Variants in EPHA5 observed in about 807,000 individuals in gnomAD.
EPHA5 encodes EPH receptor A5.
A neutral mutation model predicts 105.0 loss-of-function variants in EPHA5; 60 were observed. The observed-to-expected ratio is 0.57, with a 90% CI of 0.46 to 0.71. EPHA5 has a LOEUF of 0.71. Ranked by LOEUF, EPHA5 falls within the 30% of genes least tolerant of loss-of-function variation. EPHA5 has a pLI of 0.00. For missense variants in EPHA5, 1,218 were observed against 1,274.7 expected, an observed-to-expected ratio of 0.96 and a Z score of 0.68; for synonymous variants, 513 against 449.1, an observed-to-expected ratio of 1.14 and a Z score of -1.80.
At chr4:65,325,831 G>T (rs1160203195) in intron 16 of EPHA5, among the ~76,000 whole-genome samples, 1 of 150,864 alleles carries the variant, frequency 6.6e-6, no homozygotes, top group African/African-American at 2.4e-5. Context: ...ATAATTCTTT[G>T]TTGTAGAGGT....
At chr4:65,349,346 G>T (rs372082526) in intron 13 of EPHA5, among the ~76,000 whole-genome samples, 4 of 151,614 alleles carry the variant, frequency 2.6e-5, no homozygotes, top group African/African-American at 9.7e-5. Context: ...AATTGATTTG[G>T]AGACTTTCTC....
chr4:65,353,200 T>TAC, intron 11 of EPHA5, 97 bp from the exon 12 acceptor site: 1 of 126,320 alleles, frequency 7.9e-6, no homozygotes, highest in South Asian at 2.6e-4. Flanking sequence ...GTCAAAATTG[T>TAC]ATATATATAT....
At chr4:65,604,095 A>G (rs1177075333) in intron 2 of EPHA5, among the ~76,000 whole-genome samples, 1 of 4,192 alleles carries the variant, frequency 2.4e-4, no homozygotes, top group African/African-American at 4.1e-4. Flanking sequence ...AAACACAAAT[A>G]TGTATATTTT....
chr4:65,512,921 C>T (rs950040441), intron 3 of EPHA5, among the ~76,000 whole-genome samples: 2 of 150,264 alleles, frequency 1.3e-5, no homozygotes, highest in Non-Finnish European at 3.0e-5. Context: ...CTGGCAAAAT[C>T]TGGAAAAAAA....
intron 5 of EPHA5, among the ~76,000 whole-genome samples, chr4:65,481,309 A>G (rs1035101886): frequency 2.0e-5 from 3 of 152,196 alleles, no homozygotes; most frequent in African/African-American, 7.2e-5. Context: ...GAATTCCTGA[A>G]TTACAAAGAT....
intron 1 of EPHA5, among the ~76,000 whole-genome samples, chr4:65,653,203 T>G (rs1748762265): frequency 1.3e-5 from 2 of 152,028 alleles, no homozygotes; most frequent in Admixed American, 6.6e-5. Flanking sequence ...ACTCATAGTC[T>G]CTATTTTAAA....
At chr4:65,405,194 A>G (rs1430688070) in intron 7 of EPHA5, among the ~76,000 whole-genome samples, 1 of 152,202 alleles carries the variant, frequency 6.6e-6, no homozygotes, top group Non-Finnish European at 1.5e-5. Flanking sequence ...CCATTATAAG[A>G]GGAATATGAA....
intron 8 of EPHA5, among the ~76,000 whole-genome samples, chr4:65,368,240 C>T (rs965787085): frequency 6.6e-6 from 1 of 152,078 alleles, no homozygotes; most frequent in Admixed American, 6.6e-5. Context: ...CTCAATCCAT[C>T]TATTTCTATC....
Position 65,322,066 on chromosome 4 carries a change from T to C in EPHA5, c.*2048A>G, listed in dbSNP as rs1436364520. 5.7e-5 allele frequency: 13 copies of C among 226,126 alleles called. No individual in the cohort carries two copies. In the East Asian group the frequency reaches 8.3e-4, roughly 14 times the overall value. The allele number at this position is 226,126 out of a possible 1,614,324, so 14.0% of individuals were successfully genotyped here. On this transcript the variant is annotated 3_prime_UTR_variant, in exon 17 of 17. Coordinates refer to ENST00000613740, the MANE Select transcript of EPHA5 (RefSeq NM_001281766.3). Reference sequence around the variant, plus strand: ...AATAATGGTGATGCTTTTTTATGATTTTATCAAGAAAATATTAAATTCACA... The same window carrying C: ...AATAATGGTGATGCTTTTTTATGATCTTATCAAGAAAATATTAAATTCACA...
intron 3 of EPHA5, among the ~76,000 whole-genome samples, chr4:65,600,391 C>T (rs1406981096): frequency 6.6e-6 from 1 of 151,978 alleles, no homozygotes; most frequent in African/African-American, 2.4e-5. Context: ...CATGGAAAAA[C>T]AACAGAATTA....
intron 1 of EPHA5, among the ~76,000 whole-genome samples, chr4:65,655,619 G>A (rs1236798115): frequency 2.0e-5 from 3 of 152,020 alleles, no homozygotes; most frequent in Admixed American, 6.6e-5. Flanking sequence ...AAGTACTTCC[G>A]TTCTAAGCAA....
chr4:65,490,082 A>G (rs1333094188), intron 5 of EPHA5, among the ~76,000 whole-genome samples: 1 of 152,244 alleles, frequency 6.6e-6, no homozygotes, highest in Non-Finnish European at 1.5e-5. Context: ...ATGAAATTAT[A>G]TGAGATAAAT....
intron 14 of EPHA5, among the ~76,000 whole-genome samples, chr4:65,347,786 G>T (rs1722361745): frequency 6.6e-6 from 1 of 152,046 alleles, no homozygotes; most frequent in Admixed American, 6.6e-5. Context: ...ATACTGACAA[G>T]AATTGAGTGA....
intron 3 of EPHA5, among the ~76,000 whole-genome samples, chr4:65,547,770 C>A (rs183804059): frequency 7.2e-5 from 11 of 151,994 alleles, no homozygotes; most frequent in South Asian, 6.2e-4. Context: ...AGATTTGAAT[C>A]CAGGGCCACT....
intron 14 of EPHA5, among the ~76,000 whole-genome samples, chr4:65,345,747 G>A (rs1210087118): frequency 6.6e-6 from 1 of 152,046 alleles, no homozygotes; most frequent in Non-Finnish European, 1.5e-5. Flanking sequence ...CATTAGGAAA[G>A]CAATCATGCC....
chr4:65,401,557 C>T (rs1200613465), intron 8 of EPHA5, among the ~76,000 whole-genome samples: 1 of 152,080 alleles, frequency 6.6e-6, no homozygotes, highest in Non-Finnish European at 1.5e-5. Flanking sequence ...TTCTAAAAAA[C>T]TATAAGCCTC....
rs182894617 is a variant in EPHA5, at chr4:65,494,093, A to G, written c.1066+1295T>C. ...GTATCCTTACAAAAGAGCATATAAA[A>G]ATTGCATTTATTCATTTGAAGAGGA... On this transcript the variant is annotated intron_variant, in intron 4 of 16. Transcript: ENST00000613740. Among the ~76,000 whole-genome samples the G allele has an allele frequency of 2.4e-3, 362 of 152,312 alleles. 1 individual carries two copies. Among genetic ancestry groups the G allele is most frequent in the African/African-American group, 7.8e-3 (324 of 41,576 alleles).
In EPHA5 at chr4:65,405,592, A is replaced by G. The variant is rs188301704; in HGVS notation, c.1688-1113T>C. 2.6e-3 allele frequency among the ~76,000 whole-genome samples: 396 copies of G among 152,256 alleles called. 2 individuals carry two copies. The highest frequency in any genetic ancestry group is 9.0e-3 in the African/African-American group (375 of 41,564). ...GCTGAGGACCCTCTTGCACTGATCT[A>G]CTTTCAAATATTCTAGACCAGTAGT... On this transcript the variant is annotated intron_variant, in intron 7 of 16. Coordinates refer to ENST00000613740, the MANE Select transcript of EPHA5 (RefSeq NM_001281766.3).
chr4:65,589,251 T>G (rs1742409349), intron 3 of EPHA5, among the ~76,000 whole-genome samples: 3 of 151,974 alleles, frequency 2.0e-5, no homozygotes, highest in Non-Finnish European at 4.4e-5. Context: ...CAGACGTTTT[T>G]TTTTAACTTG....
Sources: allele counts gnomAD v4.1 joint callset (sites outside exome capture counted in the v4.1 genomes callset), GRCh38; gene constraint gnomAD v4.1.1; transcripts MANE v1.5; gene names NCBI Gene and HGNC (gene_info 2026-07-23, HGNC 2026-07-21).